SMC1A: variants seen among roughly 807,000 people sequenced by gnomAD.
SMC1A encodes structural maintenance of chromosomes protein 1A.
SMC1A carries 4 observed loss-of-function variants against 94.5 expected under a neutral mutation model. That is an observed-to-expected ratio of 0.04 (90% confidence interval 0.02 to 0.10). The LOEUF (loss-of-function observed/expected upper bound fraction) is 0.10, where lower values mean the gene tolerates loss of function less well. Among genes scored for constraint, SMC1A ranks in the 10% least tolerant of loss-of-function variants. The pLI is 1.00. For synonymous variants in SMC1A, 345 were observed against 347.7 expected, an observed-to-expected ratio of 0.99 and a Z score of 0.09; for missense variants, 304 against 989.0, an observed-to-expected ratio of 0.31 and a Z score of 9.29.
At chrX:53,396,707 C>A in intron 16 of SMC1A, 90 bp from the exon 17 acceptor site, 1 of 999,451 alleles carries the variant, frequency 1.0e-6, no homozygotes, top group South Asian at 1.9e-5. Context: ...TCCTACTAGG[C>A]AGTTTATTGG....
At chrX:53,382,151 C>T in intron 22 of SMC1A, 81 bp downstream of exon 22, 1 of 1,074,630 alleles carries the variant, frequency 9.3e-7, no homozygotes, top group Non-Finnish European at 1.3e-6. Context: ...CTTCGCAGAT[C>T]TCTGTGTATC....
Position 53,381,949 on chromosome X carries a change from T to A in SMC1A, c.3437+283A>T, listed in dbSNP as rs1302626162. 24 of 401,028 alleles carry A rather than the reference T, an allele frequency of 6.0e-5. No homozygotes were observed. The South Asian group carries it at 8.5e-4, about 14-fold the overall frequency. 33.0% of individuals were successfully genotyped at this position (401,028 alleles called of 1,213,427 possible). A position where few individuals can be genotyped will look rare whatever the true frequency, so the allele number is the denominator to read the frequency against. ...AGGTGATGATCAAGCTAGATTTACA[T>A]GGAAAGGGATTATTAGCCAGCAACC... On this transcript the variant is annotated intron_variant, in intron 22 of 24. Coordinates refer to ENST00000322213, the MANE Select transcript of SMC1A (RefSeq NM_006306.4).
At chrX:53,421,306 C>T (rs1257443064) in intron 1 of SMC1A, among the ~76,000 whole-genome samples, 6 of 111,803 alleles carry the variant, frequency 5.4e-5, no homozygotes, top group African/African-American at 2.0e-4. Context: ...TGTTATCTAG[C>T]AGGTAGATGC....
At chrX:53,403,469 G>C in intron 15 of SMC1A, 97 bp downstream of exon 15, 3 of 654,017 alleles carry the variant, frequency 4.6e-6, no homozygotes, top group East Asian at 7.1e-5. Flanking sequence ...ATAGTTCTAA[G>C]AGCTGACCCT....
At chrX:53,382,103 G>C in intron 22 of SMC1A, 129 bp downstream of exon 22, 1 of 833,429 alleles carries the variant, frequency 1.2e-6, no homozygotes. Flanking sequence ...AGTAGATAGT[G>C]AAACAGGGAT....
At chrX:53,388,675 CTTT>C (rs1287351412) in intron 19 of SMC1A, among the ~76,000 whole-genome samples, 3 of 109,836 alleles carry the variant, frequency 2.7e-5, no homozygotes, top group Non-Finnish European at 5.7e-5. Flanking sequence ...TCACCTTTGC[CTTT>C]TTATTTTTAA....
rs782763816 is a variant in SMC1A, at chrX:53,380,704, C to T, written c.3534G>A (p.Ser1178=). Residue 1178 remains serine (S), a synonymous_variant, in exon 24 of 25, where the codon TCG becomes TCA. Coordinates refer to ENST00000322213, the MANE Select transcript of SMC1A (RefSeq NM_006306.4). ...GKVANYIKEQ[S]TCNFQAIVIS... is the part of the protein sequence containing the mutation. ...TGACGATGGCCTGGAAGTTGCAAGT[C>T]GACTGCTCCTTGATGTAATTTGCCA... 6 of 1,207,868 alleles carry T rather than the reference C, an allele frequency of 5.0e-6. No homozygotes were observed. The highest frequency in any genetic ancestry group is 3.5e-5 in the South Asian group (2 of 56,722).
intron 9 of SMC1A, among the ~76,000 whole-genome samples, chrX:53,408,136 C>T (rs782249355): frequency 8.9e-6 from 1 of 111,831 alleles, no homozygotes; most frequent in African/African-American, 3.2e-5. Context: ...TAAAACCAGC[C>T]TGGCCAACAT....
rs782080038 is a variant in SMC1A at position 53,393,985 on chromosome X, C to T, written c.2973+793G>A. Among the ~76,000 whole-genome samples, 12 of 108,534 alleles carry T rather than the reference C, an allele frequency of 1.1e-4. No homozygotes were observed. In the East Asian group the frequency reaches 1.5e-3, roughly 13 times the overall value. The allele number at this position is 108,534 out of a possible 115,157, so 94.2% of individuals were successfully genotyped here. ...CAGCCTGACCAACATGGTAGAACCC[C>T]GCCTCTACTAAAAATTAGCTGGGCA... On this transcript the variant is annotated intron_variant, in intron 19 of 24. Coordinates refer to ENST00000322213, the MANE Select transcript of SMC1A (RefSeq NM_006306.4).
chrX:53,384,512 T>C (rs2075597251), intron 19 of SMC1A, among the ~76,000 whole-genome samples: 1 of 110,497 alleles, frequency 9.1e-6, no homozygotes, highest in African/African-American at 3.3e-5. Flanking sequence ...GATCCACCCA[T>C]CTCAGCCTCC....
intron 19 of SMC1A, among the ~76,000 whole-genome samples, chrX:53,385,399 T>C (rs910426338): frequency 3.7e-5 from 4 of 106,838 alleles, no homozygotes; most frequent in East Asian, 5.9e-4. Flanking sequence ...GCCTCCCGAA[T>C]AGCTGGGACT....
chrX:53,395,081 G>A (rs1230820594), intron 18 of SMC1A, among the ~76,000 whole-genome samples, 193 bp from the exon 19 acceptor site: 7 of 112,405 alleles, frequency 6.2e-5, no homozygotes, highest in Non-Finnish European at 9.4e-5. Flanking sequence ...AGTGGCTTGC[G>A]CCTATAATCC....
intron 19 of SMC1A, among the ~76,000 whole-genome samples, chrX:53,389,739 T>A (rs1375643474): frequency 9.1e-6 from 1 of 109,817 alleles, no homozygotes; most frequent in African/African-American, 3.3e-5. Context: ...AAAAAAAAAA[T>A]TATTTTTAGA....
intron 13 of SMC1A, 94 bp downstream of exon 13, chrX:53,404,918 C>T (rs183288560): frequency 3.9e-6 from 4 of 1,016,258 alleles, no homozygotes; most frequent in South Asian, 2.0e-5. Flanking sequence ...TGGGAGGAGA[C>T]GGGGAAGTGA....
intron 5 of SMC1A, among the ~76,000 whole-genome samples, chrX:53,412,498 T>C (rs1556890687): frequency 8.9e-6 from 1 of 112,429 alleles, no homozygotes; most frequent in Non-Finnish European, 1.9e-5. Flanking sequence ...GCCTCAACCC[T>C]GGCCAGGAAG....
chrX:53,404,232 AC>A (rs2075682331), intron 13 of SMC1A, among the ~76,000 whole-genome samples: 1 of 110,949 alleles, frequency 9.0e-6, no homozygotes, highest in Admixed American at 9.7e-5. Flanking sequence ...ATATAAATAC[AC>A]ACACTACATA....
intron 9 of SMC1A, among the ~76,000 whole-genome samples, chrX:53,406,720 C>T (rs782768340): frequency 4.5e-5 from 5 of 111,249 alleles, no homozygotes; most frequent in Admixed American, 3.8e-4. Flanking sequence ...TTTTTGGAGA[C>T]GGAGTCTCAC....
intron 1 of SMC1A, among the ~76,000 whole-genome samples, chrX:53,420,956 G>A (rs1372178245): frequency 1.8e-5 from 2 of 111,760 alleles, no homozygotes; most frequent in Non-Finnish European, 3.8e-5. Flanking sequence ...ATGCCACAGA[G>A]GAAGACTCAC....
intron 15 of SMC1A, among the ~76,000 whole-genome samples, chrX:53,401,591 C>T (rs2075670768): frequency 1.8e-5 from 2 of 111,277 alleles, no homozygotes; most frequent in African/African-American, 6.5e-5. Flanking sequence ...CAGTAATGGC[C>T]ATCTACATTG....
Sources: gnomAD v4.1 joint callset for allele counts (sites outside exome capture counted in the v4.1 genomes callset) on GRCh38, gnomAD v4.1.1 for gene constraint, MANE v1.5 for transcripts, NCBI Gene and HGNC (gene_info 2026-07-23, HGNC 2026-07-21) for gene names.